RMDN1: variants seen among roughly 807,000 people sequenced by gnomAD.
RMDN1 encodes regulator of microtubule dynamics 1.
In RMDN1, 48 loss-of-function variants were observed where a neutral mutation model predicts 48.9. That is an observed-to-expected ratio of 0.98 (90% CI 0.78 to 1.25). The LOEUF (loss-of-function observed/expected upper bound fraction) is 1.25. Ranked by LOEUF, RMDN1 falls within the 50% of genes most tolerant of loss-of-function variation. RMDN1 has a pLI of 0.00. For synonymous variants in RMDN1, 148 were observed against 132.6 expected (o/e 1.12, Z -0.80); for missense variants, 418 against 373.4 (o/e 1.12, Z -0.98).
At chr8:86,476,027 TAA>T (rs1419825951) in intron 8 of RMDN1, among the ~76,000 whole-genome samples, 1 of 151,894 alleles carries the variant, frequency 6.6e-6, no homozygotes, top group Non-Finnish European at 1.5e-5. Context: ...ACTGGAAAAA[TAA>T]AAGATACTAA....
intron 2 of RMDN1, among the ~76,000 whole-genome samples, chr8:86,499,397 A>G (rs919164409): frequency 2.6e-5 from 4 of 152,180 alleles, no homozygotes; most frequent in African/African-American, 9.7e-5. Flanking sequence ...AATGTATGAA[A>G]ATCAGTACAT....
chr8:86,468,278 C>T, downstream of RMDN1: 1 of 395,944 alleles, frequency 2.5e-6, no homozygotes, highest in Non-Finnish European at 4.9e-6. Context: ...ATTGTTTTGC[C>T]AAAATTTTAT....
At chr8:86,503,371 C>CAAAAAAAAAAAAAAAAACAAAAAAAAA (rs1818637794) in intron 2 of RMDN1, among the ~76,000 whole-genome samples, 1 of 68,038 alleles carries the variant, frequency 1.5e-5, no homozygotes, top group Non-Finnish European at 2.5e-5. Context: ...CAAAACAAAA[C>CAAAAAAAAAAAAAAAAACAAAAAAAAA]AAAAAAAAAA....
At chr8:86,495,327 T>C (rs1817163254) in intron 2 of RMDN1, among the ~76,000 whole-genome samples, 1 of 152,128 alleles carries the variant, frequency 6.6e-6, no homozygotes, top group African/African-American at 2.4e-5. Context: ...TTAGAGATCC[T>C]AGCTGCAGGA....
Position 86,486,581 on chromosome 8 carries a change from C to G in RMDN1, c.398G>C (p.Arg133Thr). 10 of 1,613,008 alleles carry G rather than the reference C, an allele frequency of 6.2e-6. No individual in the cohort carries two copies. Among genetic ancestry groups the G allele is most frequent in the Non-Finnish European group, 8.5e-6 (10 of 1,179,232 alleles). Reference protein sequence around the residue: ...RASRDVAQLSRTSEEEKKLLV... With the variant: ...RASRDVAQLSTTSEEEKKLLV... The stretch of plus-strand genomic sequence containing the variant: ...TAGCTTTTTCTCCTCTTCTGAGGTT[C>G]TGCTAAGCTGAGCTACATCACGTGA... Residue 133 changes from arginine (R) to threonine (T), a missense_variant, in exon 4 of 10, where the codon AGA becomes ACA. Arg to Thr is a moderately conservative substitution (Grantham distance 71, BLOSUM62 -1). Coordinates refer to ENST00000406452, the MANE Select transcript of RMDN1 (RefSeq NM_016033.3).
At chr8:86,481,581 T>C (rs953095669) in intron 5 of RMDN1, among the ~76,000 whole-genome samples, 23 of 95,740 alleles carry the variant, frequency 2.4e-4, no homozygotes, top group Admixed American at 2.0e-3. Context: ...TTTTTTTTTT[T>C]GCCTTTGCCA....
upstream of RMDN1, among the ~76,000 whole-genome samples, chr8:86,512,676 G>A (rs1253248222): frequency 6.6e-6 from 1 of 152,164 alleles, no homozygotes; most frequent in Non-Finnish European, 1.5e-5. Flanking sequence ...CGTCCTCTAG[G>A]ATAGAAGTTC....
At position 86,472,846 on chromosome 8, in the gene RMDN1, T is replaced by C. The variant is rs1237919077; in HGVS notation, c.*1462A>G. The C allele has an allele frequency of 5.0e-6, 1 of 199,400 alleles. No homozygotes were observed. The highest frequency in any genetic ancestry group is 1.0e-5 in the Non-Finnish European group (1 of 99,552). 12.4% of individuals were successfully genotyped at this position (199,400 alleles called of 1,614,324 possible). ...GGCTGAGATAATGACACCTTTGCTT[T>C]CTGATGGTTCAAGGTATGCAAACTT... On this transcript the variant is annotated 3_prime_UTR_variant, in exon 10 of 10. Transcript: ENST00000406452.
At chr8:86,492,661 T>C (rs1203141471) in intron 2 of RMDN1, among the ~76,000 whole-genome samples, 2 of 74,108 alleles carry the variant, frequency 2.7e-5, no homozygotes, top group Non-Finnish European at 4.4e-5. Flanking sequence ...TTAATAATAA[T>C]AATAATAATA....
intron 2 of RMDN1, chr8:86,504,865 G>A (rs535444214): frequency 3.7e-6 from 4 of 1,075,874 alleles, no homozygotes; most frequent in African/African-American, 3.1e-5. Context: ...TTAGGAGCCT[G>A]TATTTTTATT....
chr8:86,474,117 T>A lies in RMDN1; in HGVS notation c.*191A>T. 1.5e-6 allele frequency: 2 copies of A among 1,310,530 alleles called. No homozygotes were observed. The highest frequency in any genetic ancestry group is 3.5e-5 in the Admixed American group (1 of 28,894). The allele number at this position is 1,310,530 out of a possible 1,614,324, so 81.2% of individuals were successfully genotyped here. A position where few individuals can be genotyped will look rare whatever the true frequency, so the allele number is the denominator to read the frequency against. On this transcript the variant is annotated 3_prime_UTR_variant, in exon 10 of 10. Transcript: ENST00000406452. ...TGCCTGAGCCATGGAGATTTATTTC[T>A]ACCACTCTTATGGCGATTATTTATT...
Position 86,474,958 on chromosome 8 carries a change from A to G in RMDN1, c.761-5T>C, listed in dbSNP as rs1813119304. The G allele has an allele frequency of 8.8e-6, 14 of 1,583,784 alleles. No homozygotes were observed. Among genetic ancestry groups the G allele is most frequent in the Non-Finnish European group, 1.2e-5 (14 of 1,170,646 alleles). On this transcript the variant is annotated splice_region_variant and splice_polypyrimidine_tract_variant and intron_variant, in intron 8 of 9. Transcript: ENST00000406452. ...TGCTGTAGAAGTTTGGATCCACTGC[A>G]CATAAGAAAGAAAAAATGATCTCAG...
intron 5 of RMDN1, among the ~76,000 whole-genome samples, chr8:86,480,947 C>T (rs1164126322): frequency 6.6e-6 from 1 of 152,002 alleles, no homozygotes; most frequent in Non-Finnish European, 1.5e-5. Context: ...TATGTTGAAT[C>T]TCCCTAATTT....
chr8:86,508,357 G>T, intron 1 of RMDN1, 135 bp downstream of exon 1: 1 of 954,926 alleles, frequency 1.0e-6, no homozygotes, highest in Non-Finnish European at 1.5e-6. Context: ...GGCGTTCCAG[G>T]CACAGTGGCC....
chr8:86,506,703 T>G, intron 2 of RMDN1, among the ~76,000 whole-genome samples: 1 of 152,300 alleles, frequency 6.6e-6, no homozygotes, highest in East Asian at 1.9e-4. Context: ...CAGTTCTCAC[T>G]GTTTCCTCTG....
rs551637754 is a variant in RMDN1 at position 86,501,812 on chromosome 8, G to T, written c.247+5183C>A. Reference sequence around the variant, plus strand: ...TTATAAGGCTGCTGTGAGAATTAAAGTCTAGGTTGCTTTAAAAAGATGAAT... The same window carrying T: ...TTATAAGGCTGCTGTGAGAATTAAATTCTAGGTTGCTTTAAAAAGATGAAT... On this transcript the variant is annotated intron_variant, in intron 2 of 9. Coordinates refer to ENST00000406452, the MANE Select transcript of RMDN1 (RefSeq NM_016033.3). Among the ~76,000 whole-genome samples, 4 of 152,000 alleles carry T rather than the reference G, an allele frequency of 2.6e-5. No individual in the cohort carries two copies. In the South Asian group the frequency reaches 8.3e-4, roughly 32 times the overall value.
chr8:86,508,783 G>GCCTC, upstream of RMDN1: 1 of 1,168,726 alleles, frequency 8.6e-7, no homozygotes, highest in Non-Finnish European at 1.0e-6. Context: ...CATGGTTTCC[G>GCCTC]GTGCACGGGC....
chr8:86,489,170 C>T (rs1816017029), intron 2 of RMDN1, among the ~76,000 whole-genome samples: 1 of 152,198 alleles, frequency 6.6e-6, no homozygotes, highest in Non-Finnish European at 1.5e-5. Context: ...AACCAAACCA[C>T]ACTGTTTTAA....
rs371381895 is a variant in RMDN1 at position 86,484,956 on chromosome 8, A to G, written c.501T>C (p.Tyr167=). ...CTCCAACATCACTAAGGCAGATTGC[A>G]TACCACTGAAAATTTAAAAAAGTGT... ...NESSFASHKW[Y]AICLSDVGDY... The change falls in exon 5 of 10, where the codon TAT becomes TAC. Residue 167 remains tyrosine (Y), a synonymous_variant. Transcript: ENST00000406452. 1.5e-5 allele frequency: 24 copies of G among 1,578,912 alleles called. No homozygotes were observed. The highest frequency in any genetic ancestry group is 2.1e-5 in the Non-Finnish European group (24 of 1,156,278).
Sources: gnomAD v4.1 joint callset for allele counts (sites outside exome capture counted in the v4.1 genomes callset) on GRCh38, gnomAD v4.1.1 for gene constraint, MANE v1.5 for transcripts, NCBI Gene and HGNC (gene_info 2026-07-23, HGNC 2026-07-21) for gene names.